The following PIK3C2G variants were observed in gnomAD, a reference collection of about 807,000 sequenced individuals.
PIK3C2G encodes phosphatidylinositol-4-phosphate 3-kinase catalytic subunit type 2 gamma, also known as phosphatidylinositol 3-kinase C2 domain-containing subunit gamma.
Under a neutral mutation model 181.1 loss-of-function variants are expected in PIK3C2G, and 168 were observed. The ratio of observed to expected loss-of-function variants is 0.93; its 90% CI spans 0.82 to 1.05. The LOEUF (loss-of-function observed/expected upper bound fraction) is 1.05. Among genes scored for constraint, PIK3C2G ranks in the 50% least tolerant of loss-of-function variants. PIK3C2G has a pLI of 0.00. For synonymous variants in PIK3C2G, 573 were observed against 592.2 expected, an observed-to-expected ratio of 0.97 and a Z score of 0.47; for missense variants, 1,869 against 1,732.8, an observed-to-expected ratio of 1.08 and a Z score of -1.40.
intron 5 of PIK3C2G, among the ~76,000 whole-genome samples, chr12:18,302,018 G>A (rs900006597): frequency 6.6e-6 from 1 of 152,208 alleles, no homozygotes; most frequent in Non-Finnish European, 1.5e-5. Flanking sequence ...TTAAGCTACA[G>A]TTGTTAGTTC....
intron 8 of PIK3C2G, among the ~76,000 whole-genome samples, chr12:18,327,176 A>G (rs1292683661): frequency 6.6e-6 from 1 of 152,112 alleles, no homozygotes; most frequent in Non-Finnish European, 1.5e-5. Flanking sequence ...GTGATTTTCC[A>G]GATGAACTCA....
intron 25 of PIK3C2G, among the ~76,000 whole-genome samples, chr12:18,544,018 T>C (rs1441467676): frequency 6.6e-6 from 1 of 151,698 alleles, no homozygotes; most frequent in Admixed American, 6.6e-5. Context: ...AGAACCAAAA[T>C]ATGATTGTAC....
At chr12:18,524,642 T>C (rs150850209) in intron 24 of PIK3C2G, among the ~76,000 whole-genome samples, 1 of 151,626 alleles carries the variant, frequency 6.6e-6, no homozygotes, top group Admixed American at 6.6e-5. Flanking sequence ...CTTGGCTCAC[T>C]GCAACCTCCG....
chr12:18,438,246 C>T (rs533753771), intron 18 of PIK3C2G, among the ~76,000 whole-genome samples: 1 of 151,790 alleles, frequency 6.6e-6, no homozygotes, highest in African/African-American at 2.4e-5. Context: ...TGTCTACAGA[C>T]CCCTTTCCAG....
At chr12:18,426,150 G>T (rs1389548953) in intron 18 of PIK3C2G, among the ~76,000 whole-genome samples, 6 of 152,104 alleles carry the variant, frequency 3.9e-5, no homozygotes, top group Non-Finnish European at 7.4e-5. Flanking sequence ...AATGTAGTAT[G>T]TAAAAGTATT....
chr12:18,608,799 A>C (rs1253624579), intron 30 of PIK3C2G, among the ~76,000 whole-genome samples: 1 of 152,132 alleles, frequency 6.6e-6, no homozygotes, highest in Non-Finnish European at 1.5e-5. Flanking sequence ...TTTCATAAGC[A>C]ATGGAAATCT....
intron 18 of PIK3C2G, among the ~76,000 whole-genome samples, chr12:18,436,970 A>G (rs540432486): frequency 6.6e-6 from 1 of 151,972 alleles, no homozygotes; most frequent in Non-Finnish European, 1.5e-5. Context: ...TTGTTAAGCA[A>G]CCACTTACCA....
intron 18 of PIK3C2G, among the ~76,000 whole-genome samples, chr12:18,433,450 C>T (rs1007498691): frequency 2.0e-5 from 3 of 152,026 alleles, no homozygotes; most frequent in Non-Finnish European, 4.4e-5. Flanking sequence ...CACTTGAACC[C>T]AGGAGGCGGA....
At chr12:18,361,629 A>C (rs1941245709) in intron 11 of PIK3C2G, among the ~76,000 whole-genome samples, 1 of 151,832 alleles carries the variant, frequency 6.6e-6, no homozygotes, top group Admixed American at 6.6e-5. Context: ...TGTACTTGTA[A>C]ATTCCCAATT....
At chr12:18,655,015 C>A in the PIK3C2G span, among the ~76,000 whole-genome samples, 2 of 151,286 alleles carry the variant, frequency 1.3e-5, no homozygotes, top group Non-Finnish European at 2.9e-5. Flanking sequence ...AAGTTATAAA[C>A]CCAGCCGAAA....
the PIK3C2G span, chr12:18,705,027 A>T: frequency 1.0e-6 from 1 of 992,720 alleles, no homozygotes; most frequent in Non-Finnish European, 1.6e-6. Context: ...CCTAGGCAAC[A>T]TTGCAAAAAT....
At chr12:18,332,940 G>A (rs748823087) in intron 8 of PIK3C2G, among the ~76,000 whole-genome samples, 1 of 152,164 alleles carries the variant, frequency 6.6e-6, no homozygotes, top group Non-Finnish European at 1.5e-5. Flanking sequence ...CCATGGAAAA[G>A]AGCTTGCAGG....
intron 31 of PIK3C2G, among the ~76,000 whole-genome samples, chr12:18,635,603 A>G (rs2955415): frequency 0.37 from 56,222 of 152,018 alleles, 12,223 homozygotes; most frequent in Admixed American, 0.52. Context: ...CCAAAATCCT[A>G]AGGGCCTGTG....
intron 24 of PIK3C2G, among the ~76,000 whole-genome samples, chr12:18,510,245 C>T (rs908311411): frequency 7.2e-5 from 11 of 152,314 alleles, no homozygotes; most frequent in East Asian, 1.9e-4. Flanking sequence ...GAATTATAGG[C>T]ATGTGCCACA....
intron 2 of PIK3C2G, 128 bp from the exon 3 acceptor site, chr12:18,286,719 A>G: frequency 1.7e-6 from 1 of 573,224 alleles, no homozygotes; most frequent in South Asian, 2.7e-5. Flanking sequence ...TATTACTTCA[A>G]TTTTTAAAAA....
At chr12:18,442,818 T>G (rs1201946314) in intron 18 of PIK3C2G, among the ~76,000 whole-genome samples, 1 of 152,152 alleles carries the variant, frequency 6.6e-6, no homozygotes, top group Non-Finnish European at 1.5e-5. Context: ...TATATAGACT[T>G]GAGTTAGATC....
chr12:18,697,265 C>T, the PIK3C2G span, among the ~76,000 whole-genome samples: 1 of 152,134 alleles, frequency 6.6e-6, no homozygotes, highest in South Asian at 2.1e-4. Context: ...ATTTAGGAAG[C>T]ATTGTCAAAT....
intron 16 of PIK3C2G, among the ~76,000 whole-genome samples, chr12:18,404,493 G>A (rs1944414049): frequency 6.6e-6 from 1 of 152,128 alleles, no homozygotes; most frequent in Non-Finnish European, 1.5e-5. Flanking sequence ...TACTCTACGA[G>A]CCCAAAGGAG....
At chr12:18,504,790 C>T (rs1249702416) in intron 23 of PIK3C2G, among the ~76,000 whole-genome samples, 1 of 152,212 alleles carries the variant, frequency 6.6e-6, no homozygotes, top group Non-Finnish European at 1.5e-5. Context: ...CAGACATCAA[C>T]TACATTGATG....
Sources: allele counts gnomAD v4.1 joint callset (sites outside exome capture counted in the v4.1 genomes callset), GRCh38; gene constraint gnomAD v4.1.1; transcripts MANE v1.5; gene names NCBI Gene and HGNC (gene_info 2026-07-23, HGNC 2026-07-21).